LIPA: variants seen among roughly 807,000 people sequenced by gnomAD.
LIPA encodes the protein lysosomal acid lipase/cholesteryl ester hydrolase.
In LIPA, 26 loss-of-function variants were observed where a neutral mutation model predicts 40.6. That is an observed-to-expected ratio of 0.64 (90% CI 0.47 to 0.89). LIPA has a LOEUF of 0.89. LIPA is among the 40% of genes least tolerant of loss of function. The pLI, the probability that LIPA is intolerant of heterozygous loss-of-function variation, is 0.00. For synonymous variants in LIPA, 188 were observed against 168.4 expected (o/e 1.12, Z -0.90); for missense variants, 455 against 479.6 (o/e 0.95, Z 0.48).
chr10:89,401,658 A>G (rs557529788), intron 2 of LIPA, among the ~76,000 whole-genome samples: 2 of 152,140 alleles, frequency 1.3e-5, no homozygotes, highest in Non-Finnish European at 2.9e-5. Flanking sequence ...TCAATTTTCT[A>G]GTTTTGAGCT....
rs867901385 is a variant in LIPA at position 89,229,789 on chromosome 10, C to T, written c.230-1391G>A. The stretch of plus-strand genomic sequence containing the variant: ...AAAAAGGGAACCCTAATGTAAACTA[C>T]GGACTTTGTGTGAATGTAGGTTCAT... On this transcript the variant is annotated intron_variant, in intron 3 of 9. Transcript: ENST00000336233. Among the ~76,000 whole-genome samples the T allele has an allele frequency of 7.7e-4, 116 of 150,324 alleles. No individual in the cohort carries two copies. The Middle Eastern group carries it at 0.014, about 18-fold the overall frequency.
At chr10:89,380,447 T>G (rs1442650033) in intron 2 of LIPA, among the ~76,000 whole-genome samples, 1 of 151,750 alleles carries the variant, frequency 6.6e-6, no homozygotes, top group Non-Finnish European at 1.5e-5. Flanking sequence ...TTTTTTTTTT[T>G]TTTTTCCAGA....
At chr10:89,328,104 A>C (rs1564786985) in intron 1 of LIPA, 5 of 1,612,604 alleles carry the variant, frequency 3.1e-6, no homozygotes, top group Admixed American at 1.7e-5. Flanking sequence ...ATGCATAATC[A>C]TGCTTGTTTT....
chr10:89,398,161 T>C (rs1171825397), intron 2 of LIPA, among the ~76,000 whole-genome samples: 1 of 152,168 alleles, frequency 6.6e-6, no homozygotes, highest in Non-Finnish European at 1.5e-5. Context: ...GGTCAGAAGG[T>C]TCTGCAGAGC....
At chr10:89,232,202 C>T (rs1376364948) in intron 3 of LIPA, among the ~76,000 whole-genome samples, 1 of 152,212 alleles carries the variant, frequency 6.6e-6, no homozygotes, top group Non-Finnish European at 1.5e-5. Flanking sequence ...TGACCGGGCG[C>T]TGTACGATGC....
chr10:89,349,698 C>A (rs574268607), intron 2 of LIPA, among the ~76,000 whole-genome samples: 2 of 152,304 alleles, frequency 1.3e-5, no homozygotes, highest in Admixed American at 6.5e-5. Context: ...GGAGGGGTTA[C>A]ACTCCCTGTG....
intron 2 of LIPA, chr10:89,363,424 C>T (rs1685141605): frequency 6.6e-6 from 1 of 152,172 alleles, no homozygotes; most frequent in African/African-American, 2.4e-5. Flanking sequence ...GATTTATTAT[C>T]GTTATGGCCC....
chr10:89,345,859 A>G (rs2133583477), upstream of LIPA, among the ~76,000 whole-genome samples: 1 of 152,328 alleles, frequency 6.6e-6, no homozygotes, highest in Middle Eastern at 3.4e-3. Flanking sequence ...AAGAACAAAT[A>G]AAAGGGAATG....
intron 1 of LIPA, among the ~76,000 whole-genome samples, chr10:89,285,610 G>T (rs1843337410): frequency 6.6e-6 from 1 of 152,068 alleles, no homozygotes; most frequent in South Asian, 2.1e-4. Flanking sequence ...ACCTGCTTTG[G>T]CTGCTCACCC....
chr10:89,405,582 A>T (rs929021886), intron 2 of LIPA: 4 of 152,130 alleles, frequency 2.6e-5, no homozygotes, highest in African/African-American at 9.7e-5. Flanking sequence ...GGTATTGATG[A>T]CGCTACACTC....
At chr10:89,327,852 T>C in intron 1 of LIPA, 1 of 539,702 alleles carries the variant, frequency 1.9e-6, no homozygotes, top group Non-Finnish European at 3.3e-6. Context: ...TTCATTTTCC[T>C]CCTCCCAACG....
intron 2 of LIPA, among the ~76,000 whole-genome samples, chr10:89,408,599 T>C (rs975344398): frequency 1.5e-4 from 23 of 152,202 alleles, no homozygotes; most frequent in Admixed American, 9.8e-4. Context: ...TGGCCCAACC[T>C]GGGTACATGT....
intron 2 of LIPA, among the ~76,000 whole-genome samples, chr10:89,365,483 T>G (rs1474890988): frequency 2.6e-5 from 4 of 152,232 alleles, no homozygotes; most frequent in African/African-American, 9.6e-5. Context: ...TTTTGGCTTT[T>G]GTTGCCATTG....
intron 2 of LIPA, among the ~76,000 whole-genome samples, chr10:89,379,742 A>T (rs1844148410): frequency 6.6e-6 from 1 of 152,108 alleles, no homozygotes; most frequent in African/African-American, 2.4e-5. Flanking sequence ...TGGTCATAAG[A>T]TGTTAGTTGT....
chr10:89,394,951 T>C (rs1341685055), intron 2 of LIPA, among the ~76,000 whole-genome samples: 2 of 152,172 alleles, frequency 1.3e-5, no homozygotes, highest in African/African-American at 4.8e-5. Flanking sequence ...TGTGGTTATA[T>C]TGAATTTTTA....
intron 2 of LIPA, chr10:89,383,488 G>A: frequency 1.2e-6 from 2 of 1,614,178 alleles, no homozygotes; most frequent in Non-Finnish European, 1.7e-6. Context: ...CAACCTACTA[G>A]CCTATGTGAA....
intron 1 of LIPA, chr10:89,284,900 C>G (rs565970299): frequency 2.1e-4 from 32 of 152,380 alleles, no homozygotes; most frequent in African/African-American, 7.5e-4. Context: ...AAAAGCTCCC[C>G]CACTGAGCAC....
At chr10:89,389,545 A>G (rs561017330) in intron 2 of LIPA, among the ~76,000 whole-genome samples, 1 of 152,350 alleles carries the variant, frequency 6.6e-6, no homozygotes, top group East Asian at 1.9e-4. Context: ...GCCATTAGCA[A>G]GCTGATAAGA....
chr10:89,239,700 T>C (rs1393072465), intron 3 of LIPA, among the ~76,000 whole-genome samples: 2 of 152,238 alleles, frequency 1.3e-5, no homozygotes, highest in African/African-American at 2.4e-5. Context: ...TGGTCTGTCT[T>C]GTTCACTGCA....
Sources: gnomAD v4.1 joint callset for allele counts (sites outside exome capture counted in the v4.1 genomes callset) on GRCh38, gnomAD v4.1.1 for gene constraint, MANE v1.5 for transcripts, NCBI Gene and HGNC (gene_info 2026-07-23, HGNC 2026-07-21) for gene names.